The following CREB5 variants were observed in gnomAD, a reference collection of about 807,000 sequenced individuals.
CREB5 encodes cAMP responsive element binding protein 5.
CREB5 carries 19 observed loss-of-function variants against 57.1 expected under a neutral mutation model. That is an observed-to-expected ratio of 0.33 (90% CI 0.23 to 0.49). The LOEUF (loss-of-function observed/expected upper bound fraction) is 0.49. CREB5 is among the 20% of genes least tolerant of loss of function. The pLI is 0.99. For synonymous variants in CREB5, 238 were observed against 238.3 expected (o/e 1.00, Z 0.01); for missense variants, 579 against 671.6 (o/e 0.86, Z 1.52).
intron 1 of CREB5, among the ~76,000 whole-genome samples, chr7:28,478,209 A>G (rs555599867): frequency 6.6e-6 from 1 of 152,266 alleles, no homozygotes; most frequent in Admixed American, 6.5e-5. Flanking sequence ...CTTGTGCAGA[A>G]AGGTGGGCCA....
intron 5 of CREB5, among the ~76,000 whole-genome samples, chr7:28,682,874 T>C (rs1800673353): frequency 6.6e-6 from 1 of 152,032 alleles, no homozygotes; most frequent in African/African-American, 2.4e-5. Context: ...TTGGAAAGAG[T>C]CCAAAAGCAT....
chr7:28,649,935 A>C (rs1799059594), intron 5 of CREB5, among the ~76,000 whole-genome samples: 1 of 152,214 alleles, frequency 6.6e-6, no homozygotes. Context: ...AAGAACAGTA[A>C]AGTGTCACAG....
At chr7:28,686,273 C>A in intron 5 of CREB5, 2 of 1,028,756 alleles carry the variant, frequency 1.9e-6, no homozygotes, top group Non-Finnish European at 3.0e-6. Flanking sequence ...TGTTTTTGAG[C>A]CTTCGTCCTC....
intron 5 of CREB5, among the ~76,000 whole-genome samples, chr7:28,581,246 A>G (rs1208093600): frequency 2.0e-5 from 3 of 152,162 alleles, no homozygotes; most frequent in African/African-American, 7.2e-5. Flanking sequence ...CAGATTTTGT[A>G]TTATTTCTTC....
intron 7 of CREB5, among the ~76,000 whole-genome samples, chr7:28,784,433 T>A (rs1807187155): frequency 2.0e-5 from 3 of 151,988 alleles, no homozygotes; most frequent in African/African-American, 7.3e-5. Context: ...AGTGGAAAAA[T>A]TAGCCACTCT....
intron 4 of CREB5, among the ~76,000 whole-genome samples, chr7:28,560,995 CCTGCGT>C (rs1562798341): frequency 0.12 from 3,153 of 26,262 alleles, 426 homozygotes; most frequent in African/African-American, 0.15. Flanking sequence ...CGTGTGTGTG[CCTGCGT>C]GTGCGTGTGT....
At chr7:28,355,829 G>A (rs1786328779) in intron 1 of CREB5, among the ~76,000 whole-genome samples, 1 of 152,208 alleles carries the variant, frequency 6.6e-6, no homozygotes, top group Non-Finnish European at 1.5e-5. Flanking sequence ...CTCTCTCTGA[G>A]CTCGGGGCTG....
chr7:28,384,619 T>A (rs1787046161), intron 1 of CREB5, among the ~76,000 whole-genome samples: 1 of 151,994 alleles, frequency 6.6e-6, no homozygotes, highest in Middle Eastern at 3.2e-3. Context: ...AGATTATTTG[T>A]TTAATGTCTT....
At chr7:28,698,924 A>T (rs1801707144) in intron 5 of CREB5, among the ~76,000 whole-genome samples, 1 of 152,098 alleles carries the variant, frequency 6.6e-6, no homozygotes, top group East Asian at 1.9e-4. Context: ...CCCTCCAATT[A>T]TTTTTTACTA....
chr7:28,525,090 CTG>C (rs1439520078), intron 4 of CREB5, among the ~76,000 whole-genome samples: 2 of 151,804 alleles, frequency 1.3e-5, no homozygotes, highest in Non-Finnish European at 2.9e-5. Flanking sequence ...ATTTATCTCT[CTG>C]TGCCTGGCTT....
At chr7:28,631,219 CACTGGGATACTGGAATA>C (rs779004411) in intron 5 of CREB5, among the ~76,000 whole-genome samples, 4 of 152,172 alleles carry the variant, frequency 2.6e-5, no homozygotes, top group Non-Finnish European at 5.9e-5. Flanking sequence ...ATCTGCCTCC[CACTGGGATACTGGAATA>C]ACTGGGATAC....
chr7:28,301,845 A>G (rs530931446), intron 1 of CREB5, among the ~76,000 whole-genome samples: 62 of 152,360 alleles, frequency 4.1e-4, no homozygotes, highest in African/African-American at 1.4e-3. Context: ...TGACAGAAAC[A>G]ATTGTTTAAA....
At chr7:28,729,727 G>T (rs190793761) in intron 7 of CREB5, among the ~76,000 whole-genome samples, 35 of 128,402 alleles carry the variant, frequency 2.7e-4, no homozygotes, top group South Asian at 2.0e-3. Flanking sequence ...GGAATAAAAA[G>T]CAATGAATGA....
chr7:28,818,692 T>A, intron 10 of CREB5: 1 of 453,574 alleles, frequency 2.2e-6, no homozygotes, highest in South Asian at 1.6e-5. Context: ...AAATGATAGT[T>A]GAGTAGGGAT....
chr7:28,418,195 T>C (rs1788097712), intron 1 of CREB5, among the ~76,000 whole-genome samples: 1 of 152,238 alleles, frequency 6.6e-6, no homozygotes, highest in South Asian at 2.1e-4. Context: ...CATGTCAAGA[T>C]GTTAGTTATA....
chr7:28,356,708 A>T (rs1050455075), intron 1 of CREB5, among the ~76,000 whole-genome samples: 1 of 152,230 alleles, frequency 6.6e-6, no homozygotes, highest in Non-Finnish European at 1.5e-5. Flanking sequence ...GCAGGGAGAC[A>T]GGCTGCCCCT....
intron 5 of CREB5, among the ~76,000 whole-genome samples, chr7:28,642,977 C>CACACAT (rs1798727112): frequency 4.5e-5 from 5 of 111,772 alleles, no homozygotes; most frequent in African/African-American, 1.5e-4. Context: ...CACACACACA[C>CACACAT]ACACACACAT....
intron 1 of CREB5, among the ~76,000 whole-genome samples, chr7:28,302,787 T>C (rs990480493): frequency 2.2e-4 from 34 of 152,114 alleles, no homozygotes; most frequent in African/African-American, 8.2e-4. Flanking sequence ...AAAATTACTT[T>C]AGGAGAACAG....
chr7:28,618,234 A>G (rs562225275), intron 5 of CREB5, among the ~76,000 whole-genome samples: 1 of 152,038 alleles, frequency 6.6e-6, no homozygotes, highest in Non-Finnish European at 1.5e-5. Context: ...TTTCTTTCTT[A>G]AAGACCATTA....
Sources: gnomAD v4.1 joint callset for allele counts (sites outside exome capture counted in the v4.1 genomes callset) on GRCh38, gnomAD v4.1.1 for gene constraint, MANE v1.5 for transcripts, NCBI Gene and HGNC (gene_info 2026-07-23, HGNC 2026-07-21) for gene names.